MRAP2: variants seen among roughly 807,000 people sequenced by gnomAD.
The protein encoded by MRAP2 is melanocortin-2 receptor accessory protein 2.
Under a neutral mutation model 17.4 loss-of-function variants are expected in MRAP2, and 20 were observed. The observed-to-expected ratio is 1.15, with a 90% CI of 0.81 to 1.67. The LOEUF is 1.67. Ranked by LOEUF, MRAP2 falls within the 40% of genes most tolerant of loss-of-function variation. The pLI, the probability that MRAP2 is intolerant of heterozygous loss-of-function variation, is 0.00. For synonymous variants in MRAP2, 96 were observed against 88.4 expected, an observed-to-expected ratio of 1.09 and a Z score of -0.48; for missense variants, 238 against 240.0, an observed-to-expected ratio of 0.99 and a Z score of 0.05.
At chr6:84,115,985 G>C in the MRAP2 span, among the ~76,000 whole-genome samples, 7 of 152,282 alleles carry the variant, frequency 4.6e-5, no homozygotes, top group African/African-American at 1.4e-4. Context: ...CTTCTGCATC[G>C]ATCTTGCTGG....
chr6:84,116,713 A>G, the MRAP2 span, among the ~76,000 whole-genome samples: 1 of 152,076 alleles, frequency 6.6e-6, no homozygotes, highest in Non-Finnish European at 1.5e-5. Flanking sequence ...GTTAAATTTT[A>G]TGGAAGGAAT....
Position 84,033,844 on chromosome 6 carries a change from G to A in MRAP2, c.-47G>A, listed in dbSNP as rs929320965. The A allele has an allele frequency of 4.1e-6, 4 of 987,334 alleles. No individual in the cohort carries two copies. Among genetic ancestry groups the A allele is most frequent in the Non-Finnish European group, 4.8e-6 (4 of 831,174 alleles). 61.2% of individuals were successfully genotyped at this position (987,334 alleles called of 1,614,324 possible). ...GCGCACCTCGGAGGAGCCAGGAGCC[G>A]GAACCAGGGCCGAGCCCGCGGGCCG... On this transcript the variant is annotated 5_prime_UTR_variant, in exon 1 of 4. Transcript: ENST00000257776.
the MRAP2 span, among the ~76,000 whole-genome samples, chr6:84,107,974 A>C: frequency 6.6e-6 from 1 of 152,242 alleles, no homozygotes; most frequent in African/African-American, 2.4e-5. Flanking sequence ...ATGTGGGATC[A>C]GACATAGCTT....
the MRAP2 span, among the ~76,000 whole-genome samples, chr6:84,099,166 A>G: frequency 1.3e-5 from 2 of 149,994 alleles, no homozygotes; most frequent in Admixed American, 6.7e-5. Context: ...ATGAGAGATC[A>G]AAAAAGATCC....
At chr6:84,034,124 T>C (rs1167699054) in intron 1 of MRAP2, among the ~76,000 whole-genome samples, 1 of 151,788 alleles carries the variant, frequency 6.6e-6, no homozygotes, top group Non-Finnish European at 1.5e-5. Flanking sequence ...GATGTGCGTG[T>C]GGACGCCGCT....
At chr6:84,056,510 C>T (rs901800104) in intron 2 of MRAP2, among the ~76,000 whole-genome samples, 1 of 152,164 alleles carries the variant, frequency 6.6e-6, no homozygotes, top group African/African-American at 2.4e-5. Context: ...TTGACATCTG[C>T]TCAGTATTTC....
intron 3 of MRAP2, among the ~76,000 whole-genome samples, chr6:84,081,183 A>G (rs2099498875): frequency 6.6e-6 from 1 of 152,180 alleles, no homozygotes; most frequent in African/African-American, 2.4e-5. Context: ...TGAAATTTCA[A>G]GTGCACCATT....
chr6:84,035,076 T>C (rs2099485630), intron 1 of MRAP2, among the ~76,000 whole-genome samples: 1 of 152,172 alleles, frequency 6.6e-6, no homozygotes. Flanking sequence ...TATGGAAGAA[T>C]AGATAATATT....
intron 1 of MRAP2, among the ~76,000 whole-genome samples, chr6:84,040,847 T>A (rs1301930802): frequency 6.6e-6 from 1 of 152,122 alleles, no homozygotes; most frequent in Admixed American, 6.5e-5. Flanking sequence ...TTTGGAAAAT[T>A]TGCAACCTGA....
At chr6:84,145,029 T>C in the MRAP2 span, among the ~76,000 whole-genome samples, 3 of 152,148 alleles carry the variant, frequency 2.0e-5, no homozygotes, top group Non-Finnish European at 4.4e-5. Context: ...TGGAATGTCA[T>C]ATTTCAGAAT....
the MRAP2 span, among the ~76,000 whole-genome samples, chr6:84,141,745 G>T: frequency 6.6e-6 from 1 of 152,270 alleles, no homozygotes; most frequent in African/African-American, 2.4e-5. Context: ...CAGGGAACTG[G>T]CAGCCAGGCT....
At chr6:84,120,772 T>C in the MRAP2 span, among the ~76,000 whole-genome samples, 1 of 152,270 alleles carries the variant, frequency 6.6e-6, no homozygotes, top group Admixed American at 6.5e-5. Context: ...GGTGCAGCTA[T>C]ACATTAATAG....
chr6:84,125,968 A>C, the MRAP2 span, among the ~76,000 whole-genome samples: 3 of 152,148 alleles, frequency 2.0e-5, no homozygotes, highest in East Asian at 5.8e-4. Flanking sequence ...CTATTAATTT[A>C]TCTGTTTATA....
chr6:84,071,928 T>C (rs934432046), intron 3 of MRAP2, among the ~76,000 whole-genome samples: 2 of 152,196 alleles, frequency 1.3e-5, no homozygotes, highest in Non-Finnish European at 2.9e-5. Flanking sequence ...TCCTGAAGTT[T>C]TGTTTTTCCT....
Position 84,067,114 on chromosome 6 carries a change from G to A in MRAP2, c.227+4122G>A, listed in dbSNP as rs145391523. Among the ~76,000 whole-genome samples the A allele has an allele frequency of 1.4e-3, 214 of 151,276 alleles. 2 individuals are homozygous for A. Among genetic ancestry groups the A allele is most frequent in the East Asian group, 7.8e-3 (40 of 5,122 alleles). ...TGTATCCTCATAGCTTAGCTCCCACGTATCAGTGAGAACATAAGATGTTTG... is the reference window on the plus strand; with the variant it reads ...TGTATCCTCATAGCTTAGCTCCCACATATCAGTGAGAACATAAGATGTTTG... On this transcript the variant is annotated intron_variant, in intron 3 of 3. Coordinates refer to ENST00000257776, the MANE Select transcript of MRAP2 (RefSeq NM_138409.4).
the MRAP2 span, among the ~76,000 whole-genome samples, chr6:84,139,713 T>C: frequency 1.3e-5 from 2 of 152,216 alleles, no homozygotes; most frequent in East Asian, 1.9e-4. Flanking sequence ...GGTCCTTCTT[T>C]TCCATATTCA....
At chr6:84,104,438 C>T in the MRAP2 span, among the ~76,000 whole-genome samples, 2 of 152,218 alleles carry the variant, frequency 1.3e-5, no homozygotes, top group Non-Finnish European at 2.9e-5. Flanking sequence ...TTGAATTTCT[C>T]CTCAGAAAAT....
chr6:84,064,098 G>A (rs575627402), intron 3 of MRAP2, among the ~76,000 whole-genome samples: 2 of 151,614 alleles, frequency 1.3e-5, no homozygotes, highest in East Asian at 1.9e-4. Context: ...GGAAGTTATG[G>A]ACAGGGAAGA....
At chr6:84,139,348 G>A in the MRAP2 span, among the ~76,000 whole-genome samples, 1 of 152,148 alleles carries the variant, frequency 6.6e-6, no homozygotes, top group African/African-American at 2.4e-5. Flanking sequence ...TGTTGAAGAT[G>A]GTTTGTAAAC....
Sources: gnomAD v4.1 joint callset for allele counts (sites outside exome capture counted in the v4.1 genomes callset) on GRCh38, gnomAD v4.1.1 for gene constraint, MANE v1.5 for transcripts, NCBI Gene and HGNC (gene_info 2026-07-23, HGNC 2026-07-21) for gene names.